KCNQ1: variants seen among roughly 807,000 people sequenced by gnomAD.
The protein encoded by KCNQ1 is potassium voltage-gated channel subfamily Q member 1, also known as potassium voltage-gated channel subfamily KQT member 1.
Under a neutral mutation model 72.4 loss-of-function variants are expected in KCNQ1, and 49 were observed. That is an observed-to-expected ratio of 0.68 (90% CI 0.54 to 0.86). The LOEUF is 0.86. KCNQ1 is among the 40% of genes least tolerant of loss of function. KCNQ1 has a pLI of 0.00. For synonymous variants in KCNQ1, 450 were observed against 412.6 expected (o/e 1.09, Z -1.10); for missense variants, 790 against 945.1 (o/e 0.84, Z 2.15).
rs554364928 is a variant in KCNQ1, at chr11:2,603,237, A to G, written c.1393+14383A>G. ...TATATTGTAGTCTATTAAGTGTGCA[A>G]TAGCCCCATGTCTAAGAAAACAATG... is the stretch of plus-strand genomic sequence containing the variant. On this transcript the variant is annotated intron_variant, in intron 10 of 15. Coordinates refer to ENST00000155840, the MANE Select transcript of KCNQ1 (RefSeq NM_000218.3). The surrounding 1 kb of genome is among the most constrained non-coding windows in gnomAD (Gnocchi z 4.1). 6.6e-6 allele frequency among the ~76,000 whole-genome samples: 1 copy of G among 152,220 alleles called. No homozygotes were observed. Among genetic ancestry groups the G allele is most frequent in the East Asian group, 1.9e-4 (1 of 5,198 alleles).
In KCNQ1 at chr11:2,768,137, G is replaced by C. The variant is rs144886745; in HGVS notation, c.1515-707G>C. On this transcript the variant is annotated intron_variant, in intron 11 of 15. Transcript: ENST00000155840. This position sits in a 1 kb window ranked among gnomAD's most constrained non-coding sequence, Gnocchi z 6.7. ...CTCGCAGTCCCTGGTGTTTCCATCA[G>C]GAAAGTCAGGCAGGCGTTAGCTTCA... Among the ~76,000 whole-genome samples, 799 of 152,344 alleles carry C rather than the reference G, an allele frequency of 5.2e-3. 6 individuals are homozygous for C. The highest frequency in any genetic ancestry group is 0.018 in the African/African-American group (739 of 41,576).
intron 11 of KCNQ1, chr11:2,684,008 T>C (rs1325992875): frequency 2.5e-6 from 1 of 398,344 alleles, no homozygotes; most frequent in African/African-American, 2.1e-5. Context: ...ACTCCGTCTC[T>C]CCTTAGTCAA....
At position 2,808,651 on chromosome 11, in the gene KCNQ1, A is replaced by C. The variant is rs534988005; in HGVS notation, c.1794+30614A>C. 6.6e-6 allele frequency among the ~76,000 whole-genome samples: 1 copy of C among 152,236 alleles called. No individual in the cohort carries two copies. Among genetic ancestry groups the C allele is most frequent in the Non-Finnish European group, 1.5e-5 (1 of 68,042 alleles). On this transcript the variant is annotated intron_variant, in intron 15 of 15. Coordinates refer to ENST00000155840, the MANE Select transcript of KCNQ1 (RefSeq NM_000218.3). This position sits in a 1 kb window ranked among gnomAD's most constrained non-coding sequence, Gnocchi z 6.0. ...ATTTGAATTTCTAGAAAATTCCAAC[A>C]GTACAGAAAGGTCTGAAATGAAAGG... is the stretch of plus-strand genomic sequence containing the variant.
Position 2,531,593 on chromosome 11 carries a change from A to G in KCNQ1, c.477+3575A>G, listed in dbSNP as rs546908864. ...GGCTATTTGCTGAACTGTGGCCACA[A>G]ACCCCTGGTCAGCAGGAACCGGCCC... On this transcript the variant is annotated intron_variant, in intron 2 of 15. Coordinates refer to ENST00000155840, the MANE Select transcript of KCNQ1 (RefSeq NM_000218.3). Among the ~76,000 whole-genome samples, 2 of 152,244 alleles carry G rather than the reference A, an allele frequency of 1.3e-5. 1 individual carries two copies. The highest frequency in any genetic ancestry group is 4.8e-5 in the African/African-American group (2 of 41,546).
At position 2,579,824 on chromosome 11, in the gene KCNQ1, C is replaced by T. The variant is rs1848473859; in HGVS notation, c.922-3611C>T. On this transcript the variant is annotated intron_variant, in intron 6 of 15. Coordinates refer to ENST00000155840, the MANE Select transcript of KCNQ1 (RefSeq NM_000218.3). This position sits in a 1 kb window ranked among gnomAD's most constrained non-coding sequence, Gnocchi z 6.0. ...CACCCAGCTCAGCCCCAGGAGGTGA[C>T]ACCCCCACCCTCAGCAGCTCTCGTC... Among the ~76,000 whole-genome samples, 1 of 152,006 alleles carries T rather than the reference C, an allele frequency of 6.6e-6. No homozygotes were observed. Among genetic ancestry groups the T allele is most frequent in the Non-Finnish European group, 1.5e-5 (1 of 67,994 alleles).
chr11:2,646,054 A>G (rs746691646), intron 10 of KCNQ1: 21 of 398,500 alleles, frequency 5.3e-5, no homozygotes, highest in African/African-American at 3.9e-4. Flanking sequence ...GAGTCTCTTC[A>G]TGATCCCAGC....
intron 1 of KCNQ1, among the ~76,000 whole-genome samples, chr11:2,469,180 T>G (rs1007491097): frequency 1.3e-5 from 2 of 152,212 alleles, no homozygotes; most frequent in Non-Finnish European, 2.9e-5. Context: ...GCTGCTTAGT[T>G]GTTGTCCACA....
At chr11:2,831,033 A>G (rs181210861) in intron 15 of KCNQ1, among the ~76,000 whole-genome samples, 12 of 152,292 alleles carry the variant, frequency 7.9e-5, no homozygotes, top group Admixed American at 5.2e-4. Context: ...CACCCGCCCA[A>G]TGGGCCCCCT....
rs560776559 is a variant in KCNQ1, at chr11:2,768,497, C to G, written c.1515-347C>G. On this transcript the variant is annotated intron_variant, in intron 11 of 15. Transcript: ENST00000155840. The surrounding 1 kb of genome is among the most constrained non-coding windows in gnomAD (Gnocchi z 6.7). ...TTTGCTGACAAGGATCCTGAAGGCC[C>G]AAGCATAGAAAGAAGTTGCTATGGC... 1.3e-5 allele frequency among the ~76,000 whole-genome samples: 2 copies of G among 152,272 alleles called. No homozygotes were observed. Among genetic ancestry groups the G allele is most frequent in the South Asian group, 2.1e-4 (1 of 4,828 alleles).
Position 2,477,068 on chromosome 11 carries a change from G to C in KCNQ1, c.386+31584G>C, listed in dbSNP as rs182354848. 6.6e-6 allele frequency among the ~76,000 whole-genome samples: 1 copy of C among 152,128 alleles called. No individual in the cohort carries two copies. The highest frequency in any genetic ancestry group is 1.5e-5 in the Non-Finnish European group (1 of 68,028). On this transcript the variant is annotated intron_variant, in intron 1 of 15. Coordinates refer to ENST00000155840, the MANE Select transcript of KCNQ1 (RefSeq NM_000218.3). The surrounding 1 kb of genome is among the most constrained non-coding windows in gnomAD (Gnocchi z 5.0). The stretch of plus-strand genomic sequence containing the variant: ...TGTTGTGAGATGGCTTATTCTTTGG[G>C]AAAAAATGTTAAGTCAAAATTAGGA...
chr11:2,662,903 G>T, intron 11 of KCNQ1: 1 of 398,662 alleles, frequency 2.5e-6, no homozygotes, highest in Non-Finnish European at 4.4e-6. Context: ...GACTCTCTGG[G>T]GGTCAGGAGG....
intron 15 of KCNQ1, among the ~76,000 whole-genome samples, chr11:2,792,143 G>A (rs1009188222): frequency 4.6e-5 from 7 of 152,108 alleles, no homozygotes; most frequent in East Asian, 3.9e-4. Context: ...CTGCAGGCCC[G>A]GCGTCCCCTC....
chr11:2,614,460 T>A (rs1849028554), intron 10 of KCNQ1: 1 of 398,406 alleles, frequency 2.5e-6, no homozygotes, highest in Non-Finnish European at 4.4e-6. Context: ...TTATTTCCAA[T>A]CTCAAGTCAT....
At chr11:2,513,028 C>T (rs1281433357) in intron 1 of KCNQ1, among the ~76,000 whole-genome samples, 1 of 152,148 alleles carries the variant, frequency 6.6e-6, no homozygotes, top group East Asian at 1.9e-4. Context: ...GGAGGCTGCT[C>T]AAGCCCCGGC....
chr11:2,775,838 A>T, intron 12 of KCNQ1, 122 bp from the exon 13 acceptor site: 2 of 920,922 alleles, frequency 2.2e-6, no homozygotes, highest in Non-Finnish European at 3.5e-6. Flanking sequence ...TGCCATCACC[A>T]CATAGGCGAG....
In KCNQ1 at chr11:2,620,018, TC is replaced by T. The variant is rs139616410; in HGVS notation, c.1393+31166del. 4,359 of 398,138 alleles carry T rather than the reference TC, an allele frequency of 0.011. 93 individuals are homozygous for T. Among genetic ancestry groups the T allele is most frequent in the South Asian group, 0.051 (396 of 7,826 alleles). 24.7% of individuals were successfully genotyped at this position (398,138 alleles called of 1,614,324 possible). ...GTAGGTTTTCAGCCCACCTCTCCAT[TC>T]CTCCCCCAAGTAGTCCCCAGTGTCT... On this transcript the variant is annotated intron_variant, in intron 10 of 15. Transcript: ENST00000155840. The surrounding 1 kb of genome is among the most constrained non-coding windows in gnomAD (Gnocchi z 4.5).
intron 10 of KCNQ1, among the ~76,000 whole-genome samples, chr11:2,596,136 G>A (rs1444917159): frequency 6.6e-6 from 1 of 152,070 alleles, no homozygotes; most frequent in African/African-American, 2.4e-5. Flanking sequence ...GAAATACCAC[G>A]GCCCAATTAT....
At chr11:2,445,690 G>T (rs1401770442) in intron 1 of KCNQ1, among the ~76,000 whole-genome samples, 2 of 151,990 alleles carry the variant, frequency 1.3e-5, no homozygotes, top group Non-Finnish European at 2.9e-5. Context: ...GCATCTTCTC[G>T]CAGGCCCGGC....
chr11:2,838,842 C>T (rs968507110), intron 15 of KCNQ1, among the ~76,000 whole-genome samples: 2 of 152,228 alleles, frequency 1.3e-5, no homozygotes, highest in East Asian at 1.9e-4. Context: ...TCTGCGGGCT[C>T]GCCAGAGGGG....
Sources: allele counts gnomAD v4.1 joint callset (sites outside exome capture counted in the v4.1 genomes callset), GRCh38; gene constraint gnomAD v4.1.1; non-coding constraint Gnocchi (gnomAD v3.1); transcripts MANE v1.5; gene names NCBI Gene and HGNC (gene_info 2026-07-23, HGNC 2026-07-21).